PLB1: variants seen among roughly 807,000 people sequenced by gnomAD.
PLB1 encodes phospholipase B1, membrane-associated.
Under a neutral mutation model 227.4 loss-of-function variants are expected in PLB1, and 242 were observed. The ratio of observed to expected loss-of-function variants is 1.06; its 90% CI spans 0.96 to 1.18. The LOEUF is 1.18. Ranked by LOEUF, PLB1 falls within the 50% of genes most tolerant of loss-of-function variation. The pLI, the probability that PLB1 is intolerant of heterozygous loss-of-function variation, is 0.00. For missense variants in PLB1, 1,858 were observed against 1,816.3 expected (o/e 1.02, Z -0.42); for synonymous variants, 757 against 682.2 (o/e 1.11, Z -1.71).
intron 50 of PLB1, 34 bp downstream of exon 50, chr2:28,625,142 T>C (rs1004343609): frequency 6.3e-7 from 1 of 1,594,152 alleles, no homozygotes; most frequent in Non-Finnish European, 8.6e-7. Flanking sequence ...CCCTGAAAGG[T>C]GCCCATCTCC....
intron 6 of PLB1, among the ~76,000 whole-genome samples, chr2:28,527,283 C>G (rs987267965): frequency 5.9e-5 from 9 of 152,300 alleles, no homozygotes; most frequent in African/African-American, 1.9e-4. Flanking sequence ...CCGCAGAAAG[C>G]AGGTGTGAGG....
intron 1 of PLB1, among the ~76,000 whole-genome samples, chr2:28,499,901 G>A (rs1279172938): frequency 6.6e-6 from 1 of 152,008 alleles, no homozygotes; most frequent in Admixed American, 6.6e-5. Flanking sequence ...AAAGGAAAAT[G>A]TTTAATTTCT....
intron 1 of PLB1, among the ~76,000 whole-genome samples, chr2:28,513,425 C>T (rs965805310): frequency 1.3e-5 from 2 of 152,192 alleles, no homozygotes; most frequent in Non-Finnish European, 2.9e-5. Flanking sequence ...CAGGGTCCCC[C>T]CTCCTCAATG....
chr2:28,514,275 T>G (rs72786865), intron 1 of PLB1, among the ~76,000 whole-genome samples: 2,686 of 152,306 alleles, frequency 0.018, 32 homozygotes, highest in Middle Eastern at 0.034. Context: ...ATTTCTGGGC[T>G]CTGTATTCTG....
intron 21 of PLB1, among the ~76,000 whole-genome samples, chr2:28,577,687 A>G (rs192785808): frequency 2.6e-5 from 4 of 152,342 alleles, no homozygotes; most frequent in Non-Finnish European, 5.9e-5. Context: ...CTAAAAATAC[A>G]AAAATTAACT....
At chr2:28,511,788 C>CTTTTTTTTTTTTTTTTTTTTTTTT (rs59137589) in intron 1 of PLB1, among the ~76,000 whole-genome samples, 4 of 132,672 alleles carry the variant, frequency 3.0e-5, no homozygotes, top group African/African-American at 1.1e-4. Context: ...GCCATTTTAT[C>CTTTTTTTTTTTTTTTTTTTTTTTT]TTTTTTTTTT....
chr2:28,569,487 G>C (rs570819578), intron 20 of PLB1, among the ~76,000 whole-genome samples: 1 of 152,246 alleles, frequency 6.6e-6, no homozygotes, highest in South Asian at 2.1e-4. Flanking sequence ...CAAAACTTTA[G>C]ACTGACAAAA....
intron 4 of PLB1, among the ~76,000 whole-genome samples, chr2:28,523,191 T>A (rs552705530): frequency 6.2e-4 from 94 of 151,662 alleles, no homozygotes; most frequent in African/African-American, 2.3e-3. Context: ...CCTGTTCACA[T>A]CTTTTATTCC....
intron 11 of PLB1, 136 bp downstream of exon 11, chr2:28,539,314 C>T (rs769929103): frequency 1.3e-5 from 10 of 772,802 alleles, no homozygotes; most frequent in African/African-American, 5.1e-5. Context: ...GAAACACATG[C>T]GAGCTCACAC....
intron 14 of PLB1, among the ~76,000 whole-genome samples, chr2:28,543,603 C>T (rs992708001): frequency 5.3e-5 from 8 of 152,190 alleles, no homozygotes; most frequent in Non-Finnish European, 1.2e-4. Context: ...CCTCACCATT[C>T]CTGTCCAGCC....
intron 43 of PLB1, among the ~76,000 whole-genome samples, chr2:28,609,247 C>T (rs1226033853): frequency 2.0e-5 from 3 of 152,136 alleles, no homozygotes; most frequent in African/African-American, 7.2e-5. Context: ...CTCTCCACAT[C>T]CTCTCACTCT....
intron 49 of PLB1, among the ~76,000 whole-genome samples, chr2:28,623,619 G>T (rs569624619): frequency 6.6e-6 from 1 of 152,184 alleles, no homozygotes; most frequent in East Asian, 1.9e-4. Context: ...GTTTGGCCAC[G>T]TACCTAGCTT....
intron 17 of PLB1, among the ~76,000 whole-genome samples, chr2:28,556,410 A>AT (rs912276307): frequency 1.3e-5 from 2 of 152,186 alleles, no homozygotes; most frequent in East Asian, 3.9e-4. Context: ...AATGTAAGTG[A>AT]TTTTTTATAA....
At chr2:28,525,978 G>T in intron 6 of PLB1, 33 bp downstream of exon 6, 1 of 1,613,488 alleles carries the variant, frequency 6.2e-7, no homozygotes, top group Non-Finnish European at 8.5e-7. Context: ...AGATTTCAGA[G>T]TGCCCCTCTC....
At chr2:28,606,183 C>T (rs1558900398) in intron 42 of PLB1, among the ~76,000 whole-genome samples, 1 of 152,204 alleles carries the variant, frequency 6.6e-6, no homozygotes, top group Non-Finnish European at 1.5e-5. Flanking sequence ...AAATGCAAGC[C>T]CAAAACCCCA....
At chr2:28,638,116 T>C (rs1466471462) in intron 56 of PLB1, among the ~76,000 whole-genome samples, 1 of 151,970 alleles carries the variant, frequency 6.6e-6, no homozygotes, top group Non-Finnish European at 1.5e-5. Flanking sequence ...AGATGACTGC[T>C]ACTCTCATGG....
At chr2:28,639,124 T>C (rs957075087) in intron 56 of PLB1, among the ~76,000 whole-genome samples, 1 of 149,222 alleles carries the variant, frequency 6.7e-6, no homozygotes, top group Non-Finnish European at 1.5e-5. Flanking sequence ...AAAGAATAGG[T>C]AGGTAGAAAA....
intron 1 of PLB1, among the ~76,000 whole-genome samples, chr2:28,502,477 A>G (rs2148156189): frequency 6.6e-6 from 1 of 152,282 alleles, no homozygotes. Flanking sequence ...AGAAATAATC[A>G]TATGATTATT....
chr2:28,581,994 G>T, intron 23 of PLB1, 74 bp from the exon 24 acceptor site: 1 of 1,391,728 alleles, frequency 7.2e-7, no homozygotes, highest in Non-Finnish European at 1.0e-6. Context: ...GGGGACCCAA[G>T]AGAGAAAGTA....
Sources: gnomAD v4.1 joint callset for allele counts (sites outside exome capture counted in the v4.1 genomes callset) on GRCh38, gnomAD v4.1.1 for gene constraint, MANE v1.5 for transcripts, NCBI Gene and HGNC (gene_info 2026-07-23, HGNC 2026-07-21) for gene names.